GNA15: variants seen among roughly 807,000 people sequenced by gnomAD.
The protein encoded by GNA15 is guanine nucleotide-binding protein subunit alpha-15.
In GNA15, 23 loss-of-function variants were observed where a neutral mutation model predicts 40.1. The ratio of observed to expected loss-of-function variants is 0.57; its 90% CI spans 0.41 to 0.81. The LOEUF is 0.81. GNA15 is among the 40% of genes least tolerant of loss of function. GNA15 has a pLI of 0.00. For missense variants in GNA15, 522 were observed against 515.8 expected, an observed-to-expected ratio of 1.01 and a Z score of -0.12; for synonymous variants, 226 against 210.4, an observed-to-expected ratio of 1.07 and a Z score of -0.64.
At chr19:3,144,742 A>C (rs566005424) in intron 1 of GNA15, among the ~76,000 whole-genome samples, 56 of 150,474 alleles carry the variant, frequency 3.7e-4, no homozygotes, top group Admixed American at 8.6e-4. Flanking sequence ...GTTAGCCAGG[A>C]TGGTCTCGAT....
At chr19:3,158,296 C>T (rs766183822) in intron 6 of GNA15, among the ~76,000 whole-genome samples, 11 of 151,884 alleles carry the variant, frequency 7.2e-5, no homozygotes, top group East Asian at 1.9e-4. Context: ...ACTACAGGTG[C>T]GCGCCACCAC....
intron 1 of GNA15, among the ~76,000 whole-genome samples, chr19:3,146,957 G>C (rs560129933): frequency 6.7e-6 from 1 of 149,350 alleles, no homozygotes; most frequent in South Asian, 2.1e-4. Flanking sequence ...CCTCCTCACT[G>C]TTCCTCCAAT....
At chr19:3,157,210 G>C (rs774922628) in intron 5 of GNA15, among the ~76,000 whole-genome samples, 1 of 151,976 alleles carries the variant, frequency 6.6e-6, no homozygotes, top group Non-Finnish European at 1.5e-5. Context: ...TGTTAGCCAG[G>C]CTGGTCTCCA....
chr19:3,136,629 G>C lies in GNA15; in HGVS notation c.145+34G>C. On this transcript the variant is annotated intron_variant, in intron 1 of 6. Transcript: ENST00000262958. This position sits in a 1 kb window ranked among gnomAD's most constrained non-coding sequence, Gnocchi z 4.9. ...AGGGTCGGTGGGCGGTGGGTGGTGG[G>C]CAGTGGGCGGTGGCCAGCCGGCAGG... 6.7e-7 allele frequency: 1 copy of C among 1,501,612 alleles called. No homozygotes were observed. The highest frequency in any genetic ancestry group is 9.0e-7 in the Non-Finnish European group (1 of 1,105,388). 93.0% of individuals were successfully genotyped at this position (1,501,612 alleles called of 1,614,324 possible).
rs370193416 is a variant in GNA15, at chr19:3,163,018, G to A, written c.1124G>A (p.Ter375=). 1 of 1,610,012 alleles carries A rather than the reference G, an allele frequency of 6.2e-7. No homozygotes were observed. The highest frequency in any genetic ancestry group is 8.5e-7 in the Non-Finnish European group (1 of 1,176,494). The change falls in exon 7 of 7, where the codon TGA becomes TAA. Residue 375 remains the stop codon, a stop_retained_variant. Transcript: ENST00000262958. Reference sequence around the variant, plus strand: ...TACCTGGACGAGATCAACCTGCTGTGACCCAGGCCCCACCTGGGGCAGGCG... The same window carrying A: ...TACCTGGACGAGATCAACCTGCTGTAACCCAGGCCCCACCTGGGGCAGGCG... ...ARYLDEINLL[*] is the part of the protein sequence containing the mutation.
chr19:3,145,359 A>ATAT, intron 1 of GNA15, among the ~76,000 whole-genome samples: 36 of 46,966 alleles, frequency 7.7e-4, no homozygotes, highest in Admixed American at 2.1e-3. Context: ...ATATATATAT[A>ATAT]TTTTTTTTTT....
At chr19:3,138,484 A>G (rs1914502801) in intron 1 of GNA15, among the ~76,000 whole-genome samples, 1 of 152,184 alleles carries the variant, frequency 6.6e-6, no homozygotes, top group Admixed American at 6.6e-5. Flanking sequence ...GAGCTTGATC[A>G]TCCCGTGATG....
At chr19:3,156,095 A>G in intron 5 of GNA15, 143 bp downstream of exon 5, 1 of 773,414 alleles carries the variant, frequency 1.3e-6, no homozygotes, top group South Asian at 1.8e-5. Context: ...TTGACCCTTC[A>G]GCCTTTTGTG....
chr19:3,144,735 A>C (rs190626949), intron 1 of GNA15, among the ~76,000 whole-genome samples: 4 of 150,626 alleles, frequency 2.7e-5, no homozygotes, highest in Admixed American at 6.6e-5. Flanking sequence ...TCACCGTGTT[A>C]GCCAGGATGG....
intron 4 of GNA15, among the ~76,000 whole-genome samples, chr19:3,152,431 G>A (rs1434398238): frequency 6.6e-6 from 1 of 152,138 alleles, no homozygotes; most frequent in African/African-American, 2.4e-5. Context: ...GGTGATGGGG[G>A]TAGACAGTGG....
intron 6 of GNA15, among the ~76,000 whole-genome samples, chr19:3,162,094 C>T (rs754161994): frequency 2.0e-5 from 3 of 151,978 alleles, no homozygotes; most frequent in African/African-American, 7.2e-5. Flanking sequence ...GCTAACACAT[C>T]TACCGCACTG....
chr19:3,148,759 G>A lies in GNA15; in HGVS notation c.314G>A (p.Ser105Asn), dbSNP rs377517036. The A allele has an allele frequency of 1.9e-6, 3 of 1,598,896 alleles. No individual in the cohort carries two copies. The African/African-American group carries it at 4.0e-5, about 21-fold the overall frequency. ...EAMERLQIPF[S>N]RPESKHHASL... ...ATGGAGCGGCTGCAGATTCCATTCA[G>A]CAGGCCCGAGAGCAAGGTGAGCCGC... The change falls in exon 2 of 7, where the codon AGC (serine) becomes AAC (asparagine). Residue 105 changes from serine to asparagine, a missense_variant. By Grantham distance (46) the Ser-to-Asn change is conservative (BLOSUM62 1). Coordinates refer to ENST00000262958, the MANE Select transcript of GNA15 (RefSeq NM_002068.4).
chr19:3,148,857 TC>T (rs1914800910), intron 2 of GNA15, 82 bp downstream of exon 2: 9 of 1,376,258 alleles, frequency 6.5e-6, no homozygotes, highest in Middle Eastern at 4.7e-4. Flanking sequence ...AGGGCCAAGT[TC>T]CCCAGACTTC....
intron 1 of GNA15, among the ~76,000 whole-genome samples, chr19:3,137,108 C>G (rs1302689039): frequency 6.6e-6 from 1 of 152,234 alleles, no homozygotes; most frequent in Non-Finnish European, 1.5e-5. Context: ...TTGGTTCATT[C>G]ATTCATTATT....
rs1460519626 is a variant in GNA15 at position 3,159,390 on chromosome 19, A to G, written c.898+1509A>G. ...AGATGGAGTTTTGCTCTTTTTGCCC[A>G]GGCTGGAGTGCAATGGCACAATCTC... On this transcript the variant is annotated intron_variant, in intron 6 of 6. Transcript: ENST00000262958. 2.3e-5 allele frequency among the ~76,000 whole-genome samples: 3 copies of G among 127,666 alleles called. No individual in the cohort carries two copies. In the Admixed American group the frequency reaches 2.7e-4, roughly 12 times the overall value. The allele number at this position is 127,666 out of a possible 152,430, so 83.8% of individuals were successfully genotyped here. A position where few individuals can be genotyped will look rare whatever the true frequency, so the allele number is the denominator to read the frequency against.
intron 4 of GNA15, among the ~76,000 whole-genome samples, chr19:3,152,478 G>A (rs1332747950): frequency 6.6e-6 from 1 of 152,098 alleles, no homozygotes; most frequent in East Asian, 1.9e-4. Flanking sequence ...TGGTGATGGA[G>A]TCCTTTGGGA....
intron 1 of GNA15, among the ~76,000 whole-genome samples, chr19:3,139,818 G>C (rs1259846758): frequency 6.6e-6 from 1 of 151,746 alleles, no homozygotes; most frequent in African/African-American, 2.4e-5. Flanking sequence ...GGTGGATCAC[G>C]AGGTCAGGAG....
In GNA15 at chr19:3,136,798, C is replaced by T. The variant is rs1458972645; in HGVS notation, c.145+203C>T. On this transcript the variant is annotated intron_variant, in intron 1 of 6. Coordinates refer to ENST00000262958, the MANE Select transcript of GNA15 (RefSeq NM_002068.4). This position sits in a 1 kb window ranked among gnomAD's most constrained non-coding sequence, Gnocchi z 4.9. ...CAGAGAAGCCAAGTTCCTTGTCCAA[C>T]GTGCGACCAGCGGCCAGGTGCCCAG... Among the ~76,000 whole-genome samples, 5 of 152,246 alleles carry T rather than the reference C, an allele frequency of 3.3e-5. No homozygotes were observed. Among genetic ancestry groups the T allele is most frequent in the Non-Finnish European group, 7.3e-5 (5 of 68,048 alleles).
At chr19:3,140,033 C>CAA (rs61178299) in intron 1 of GNA15, among the ~76,000 whole-genome samples, 1 of 95,922 alleles carries the variant, frequency 1.0e-5, no homozygotes. Context: ...AACTCCATCT[C>CAA]AAAAAAAAAA....
Sources: gnomAD v4.1 joint callset for allele counts (sites outside exome capture counted in the v4.1 genomes callset) on GRCh38, gnomAD v4.1.1 for gene constraint, Gnocchi (gnomAD v3.1) non-coding constraint, MANE v1.5 for transcripts, NCBI Gene and HGNC (gene_info 2026-07-23, HGNC 2026-07-21) for gene names.